The following PRDM16 variants were observed in gnomAD, a reference collection of about 807,000 sequenced individuals.
PRDM16 encodes the protein PR/SET domain 16, also known as histone-lysine N-methyltransferase PRDM16.
PRDM16 carries 23 observed loss-of-function variants against 110.6 expected under a neutral mutation model. The observed-to-expected ratio is 0.21, with a 90% CI of 0.15 to 0.29. The LOEUF (loss-of-function observed/expected upper bound fraction) is 0.29. Among genes scored for constraint, PRDM16 ranks in the 10% least tolerant of loss-of-function variants. The pLI is 1.00. For missense variants in PRDM16, 1,615 were observed against 1,794.3 expected (o/e 0.90, Z 1.81); for synonymous variants, 799 against 781.8 (o/e 1.02, Z -0.37).
At chr1:3,352,132 T>TGGTCCACCTGCCTGGCAC (rs1642507200) in intron 3 of PRDM16, among the ~76,000 whole-genome samples, 3 of 152,314 alleles carry the variant, frequency 2.0e-5, no homozygotes, top group South Asian at 4.1e-4. Context: ...CACCGGTGCA[T>TGGTCCACCTGCCTGGCAC]GGTCCACCTG....
Position 3,297,238 on chromosome 1 carries a change from G to A in PRDM16, c.438+53101G>A, listed in dbSNP as rs114017815. On this transcript the variant is annotated intron_variant, in intron 3 of 16. Transcript: ENST00000270722. ...TTTCTGTCCATTTCGGGTGAGACCCGAAGCAGCGAGACCCTATCCAGGTCA... is the reference window on the plus strand; with the variant it reads ...TTTCTGTCCATTTCGGGTGAGACCCAAAGCAGCGAGACCCTATCCAGGTCA... Among the ~76,000 whole-genome samples, 1,188 of 151,234 alleles carry A rather than the reference G, an allele frequency of 7.9e-3. 16 individuals carry two copies. Among genetic ancestry groups the A allele is most frequent in the African/African-American group, 0.027 (1,108 of 41,134 alleles).
chr1:3,243,982 C>T lies in PRDM16; in HGVS notation c.388-105C>T. On this transcript the variant is annotated intron_variant, in intron 2 of 16. Transcript: ENST00000270722. The surrounding 1 kb of genome is among the most constrained non-coding windows in gnomAD (Gnocchi z 5.5). ...TGTGGAGAAGCCACTGGGTCCCACCCTGTGACTTTTGGGGACAGTGGTTCT... is the reference window on the plus strand; with the variant it reads ...TGTGGAGAAGCCACTGGGTCCCACCTTGTGACTTTTGGGGACAGTGGTTCT... 8.7e-7 allele frequency: 1 copy of T among 1,149,150 alleles called. No individual in the cohort carries two copies. Among genetic ancestry groups the T allele is most frequent in the Non-Finnish European group, 1.3e-6 (1 of 761,346 alleles). The allele number at this position is 1,149,150 out of a possible 1,614,324, so 71.2% of individuals were successfully genotyped here. A position where few individuals can be genotyped will look rare whatever the true frequency, so the allele number is the denominator to read the frequency against.
At chr1:3,268,325 T>C (rs1317432003) in intron 3 of PRDM16, among the ~76,000 whole-genome samples, 1 of 152,212 alleles carries the variant, frequency 6.6e-6, no homozygotes, top group East Asian at 1.9e-4. Context: ...AAAAGAAGGC[T>C]TATTGGGTAA....
intron 3 of PRDM16, among the ~76,000 whole-genome samples, chr1:3,342,227 T>A (rs1188766512): frequency 6.6e-6 from 1 of 152,208 alleles, no homozygotes; most frequent in Admixed American, 6.5e-5. Flanking sequence ...CTTGGGAGAA[T>A]GAATGAACAT....
intron 3 of PRDM16, among the ~76,000 whole-genome samples, chr1:3,277,950 C>T (rs578228929): frequency 3.0e-4 from 46 of 152,338 alleles, no homozygotes; most frequent in Non-Finnish European, 5.4e-4. Context: ...CCGTGAAGTC[C>T]GTGCATCCGG....
intron 2 of PRDM16, among the ~76,000 whole-genome samples, chr1:3,212,119 G>A (rs934842683): frequency 2.0e-5 from 3 of 152,202 alleles, no homozygotes; most frequent in Non-Finnish European, 4.4e-5. Context: ...TCGTGAAACC[G>A]TCAGGGCTGC....
At chr1:3,083,554 G>C (rs551361702) in intron 1 of PRDM16, among the ~76,000 whole-genome samples, 1 of 151,932 alleles carries the variant, frequency 6.6e-6, no homozygotes, top group Non-Finnish European at 1.5e-5. Flanking sequence ...AGCCTGCTGC[G>C]GAGGGATGCC....
intron 14 of PRDM16, among the ~76,000 whole-genome samples, chr1:3,429,148 A>C (rs1034953462): frequency 6.6e-6 from 1 of 152,226 alleles, no homozygotes; most frequent in Non-Finnish European, 1.5e-5. Flanking sequence ...TCTTGGAAGG[A>C]ACCCGGCCTG....
intron 3 of PRDM16, among the ~76,000 whole-genome samples, chr1:3,322,473 G>C (rs1167633332): frequency 6.6e-6 from 1 of 152,160 alleles, no homozygotes; most frequent in Non-Finnish European, 1.5e-5. Flanking sequence ...GAACCAGTGA[G>C]TGCACCCCGG....
intron 2 of PRDM16, among the ~76,000 whole-genome samples, chr1:3,200,875 C>T (rs1428201493): frequency 6.6e-6 from 1 of 151,426 alleles, no homozygotes; most frequent in African/African-American, 2.4e-5. Context: ...TGACCACGGG[C>T]ACAGAAGACG....
chr1:3,316,084 G>T, intron 3 of PRDM16, among the ~76,000 whole-genome samples: 1 of 147,388 alleles, frequency 6.8e-6, no homozygotes, highest in Non-Finnish European at 1.5e-5. Context: ...CACAGATAAA[G>T]AGCTTCTCCT....
chr1:3,296,066 G>A (rs1641083155), intron 3 of PRDM16, among the ~76,000 whole-genome samples: 1 of 152,230 alleles, frequency 6.6e-6, no homozygotes, highest in Non-Finnish European at 1.5e-5. Context: ...CGAAAGGACA[G>A]CTGGAGCCAT....
At chr1:3,142,688 G>C (rs576165256) in intron 1 of PRDM16, among the ~76,000 whole-genome samples, 6 of 152,150 alleles carry the variant, frequency 3.9e-5, no homozygotes, top group African/African-American at 1.4e-4. Context: ...CCCAAGCCTC[G>C]TGCTCCCCCG....
chr1:3,409,153 G>C (rs996153941), intron 8 of PRDM16, among the ~76,000 whole-genome samples: 8 of 148,554 alleles, frequency 5.4e-5, no homozygotes, highest in Non-Finnish European at 1.1e-4. Flanking sequence ...GTGTGGGTGT[G>C]TGTGAGTGAG....
chr1:3,113,761 G>T (rs1321181737), intron 1 of PRDM16, among the ~76,000 whole-genome samples: 1 of 152,202 alleles, frequency 6.6e-6, no homozygotes, highest in Non-Finnish European at 1.5e-5. Context: ...CCCCGTCTGG[G>T]GGCCCTGGGC....
chr1:3,315,261 G>T (rs1417187954), intron 3 of PRDM16, among the ~76,000 whole-genome samples: 1 of 144,674 alleles, frequency 6.9e-6, no homozygotes, highest in Admixed American at 6.9e-5. Flanking sequence ...CTCCACAGCA[G>T]CCCAAATAAA....
intron 2 of PRDM16, among the ~76,000 whole-genome samples, chr1:3,205,005 A>C (rs1638721467): frequency 6.6e-6 from 1 of 152,120 alleles, no homozygotes; most frequent in Non-Finnish European, 1.5e-5. Context: ...GGGGTAAAGA[A>C]GGGAAGGGGA....
chr1:3,404,919 G>C, intron 7 of PRDM16, 33 bp downstream of exon 7: 1 of 1,605,020 alleles, frequency 6.2e-7, no homozygotes, highest in South Asian at 1.1e-5. Flanking sequence ...CTCAGCCCCG[G>C]GGCAGCAGGA....
At chr1:3,072,384 C>G (rs1641785732) in intron 1 of PRDM16, among the ~76,000 whole-genome samples, 2 of 152,140 alleles carry the variant, frequency 1.3e-5, no homozygotes, top group African/African-American at 4.8e-5. Context: ...GGCCTGATCC[C>G]CACCTAGGTG....
Sources: allele counts gnomAD v4.1 joint callset (sites outside exome capture counted in the v4.1 genomes callset), GRCh38; gene constraint gnomAD v4.1.1; non-coding constraint Gnocchi (gnomAD v3.1); transcripts MANE v1.5; gene names NCBI Gene and HGNC (gene_info 2026-07-23, HGNC 2026-07-21).